PLA2R1: variants seen among roughly 807,000 people sequenced by gnomAD.
PLA2R1 encodes the protein secretory phospholipase A2 receptor.
Under a neutral mutation model 195.9 loss-of-function variants are expected in PLA2R1, and 158 were observed. The ratio of observed to expected loss-of-function variants is 0.81; its 90% confidence interval spans 0.71 to 0.92. The LOEUF is 0.92. Among genes scored for constraint, PLA2R1 ranks in the 40% least tolerant of loss-of-function variants. The pLI, the probability that PLA2R1 is intolerant of heterozygous loss-of-function variation, is 0.00. For missense variants in PLA2R1, 1,626 were observed against 1,764.6 expected (o/e 0.92, Z 1.41); for synonymous variants, 586 against 598.2 (o/e 0.98, Z 0.30).
At chr2:159,997,267 TCA>T (rs1227973934) in intron 11 of PLA2R1, among the ~76,000 whole-genome samples, 16 of 152,092 alleles carry the variant, frequency 1.1e-4, no homozygotes, top group Non-Finnish European at 1.5e-5. Flanking sequence ...TGAATGCTTC[TCA>T]GTTATTTTTC....
intron 3 of PLA2R1, among the ~76,000 whole-genome samples, chr2:160,036,235 C>T (rs112205393): frequency 8.5e-5 from 13 of 152,332 alleles, no homozygotes; most frequent in Admixed American, 3.9e-4. Context: ...TCACATGTAA[C>T]ATGTGCAAAC....
At chr2:159,946,222 A>C in intron 27 of PLA2R1, 1 of 966,362 alleles carries the variant, frequency 1.0e-6, no homozygotes, top group Non-Finnish European at 1.2e-6. Context: ...TTGGTGATTA[A>C]AATACTCCTC....
At chr2:159,982,250 T>A (rs1690004587) in intron 13 of PLA2R1, among the ~76,000 whole-genome samples, 1 of 152,218 alleles carries the variant, frequency 6.6e-6, no homozygotes, top group Non-Finnish European at 1.5e-5. Flanking sequence ...ATTTGCGGCC[T>A]CACACCTGGC....
chr2:159,962,033 T>C (rs1050050891), intron 20 of PLA2R1, among the ~76,000 whole-genome samples: 22 of 151,786 alleles, frequency 1.4e-4, no homozygotes, highest in African/African-American at 5.3e-4. Flanking sequence ...AATAGACAAA[T>C]GGGATCTAAT....
In PLA2R1 at chr2:160,042,017, A is replaced by G. The variant is rs1481139292; in HGVS notation, c.667+8T>C. 28 of 1,607,788 alleles carry G rather than the reference A, an allele frequency of 1.7e-5. No individual in the cohort carries two copies. The highest frequency in any genetic ancestry group is 2.4e-5 in the Non-Finnish European group (28 of 1,174,876). ...ATGACATATAGAGAAGACAAAATTT[A>G]TTCTTACTGGGATCAGGGCAAAATC... On this transcript the variant is annotated splice_region_variant and intron_variant, in intron 3 of 29. Transcript: ENST00000283243.
chr2:160,019,668 T>C (rs1692978833), intron 8 of PLA2R1, among the ~76,000 whole-genome samples: 2 of 152,220 alleles, frequency 1.3e-5, no homozygotes, highest in African/African-American at 2.4e-5. Flanking sequence ...TTAGAATTCC[T>C]ACTGCCCATC....
In PLA2R1 at chr2:160,062,603, C is replaced by T; in HGVS notation, c.-200G>A. 2.1e-6 allele frequency: 2 copies of T among 944,858 alleles called. No homozygotes were observed. Among genetic ancestry groups the T allele is most frequent in the Non-Finnish European group, 2.9e-6 (2 of 694,656 alleles). 58.5% of individuals were successfully genotyped at this position (944,858 alleles called of 1,614,324 possible). On this transcript the variant is annotated 5_prime_UTR_variant, in exon 1 of 30. Coordinates refer to ENST00000283243, the MANE Select transcript of PLA2R1 (RefSeq NM_007366.5). Reference sequence around the variant, plus strand: ...CACCGCTGTCTCCACAGTGAACCGACACTCGGGGCTCTGGGCTGGGATGCG... The same window carrying T: ...CACCGCTGTCTCCACAGTGAACCGATACTCGGGGCTCTGGGCTGGGATGCG...
chr2:160,055,629 A>G (rs1269468910), intron 1 of PLA2R1, among the ~76,000 whole-genome samples: 1 of 152,206 alleles, frequency 6.6e-6, no homozygotes, highest in Non-Finnish European at 1.5e-5. Flanking sequence ...AAGGCTATTC[A>G]GGGATCCTTT....
chr2:160,037,737 T>C (rs191148503), intron 3 of PLA2R1, among the ~76,000 whole-genome samples: 5 of 152,310 alleles, frequency 3.3e-5, no homozygotes, highest in African/African-American at 1.2e-4. Context: ...TTTCCCCACT[T>C]TCCATTTTGA....
intron 13 of PLA2R1, among the ~76,000 whole-genome samples, chr2:159,980,429 T>C (rs1689867718): frequency 1.3e-5 from 2 of 152,360 alleles, no homozygotes; most frequent in South Asian, 4.1e-4. Flanking sequence ...CACTATACTA[T>C]TTATTCTACT....
chr2:160,022,750 C>A lies in PLA2R1; in HGVS notation c.1209G>T (p.Leu403=). ...CACTGTTATCAGCCTGACAAGAACGCAGAGCCTCATGCCAGGTCTTTTCTT... is the reference window on the plus strand; with the variant it reads ...CACTGTTATCAGCCTGACAAGAACGAAGAGCCTCATGCCAGGTCTTTTCTT... The part of the protein sequence containing the change: ...QKEEKTWHEA[L]RSCQADNSAL... The change falls in exon 7 of 30, where the codon CTG becomes CTT. Residue 403 remains leucine, a synonymous_variant. Transcript: ENST00000283243. The A allele has an allele frequency of 1.2e-6, 2 of 1,613,366 alleles. No individual in the cohort carries two copies. Among genetic ancestry groups the A allele is most frequent in the Non-Finnish European group, 1.7e-6 (2 of 1,179,282 alleles).
chr2:159,976,784 C>G (rs1205272104), intron 15 of PLA2R1, 64 bp from the exon 16 acceptor site: 3 of 1,195,270 alleles, frequency 2.5e-6, no homozygotes, highest in African/African-American at 1.5e-5. Context: ...CTGTGAATTA[C>G]TTCAGCTCTA....
chr2:159,979,671 C>G (rs751812687), intron 14 of PLA2R1, among the ~76,000 whole-genome samples, 159 bp downstream of exon 14: 2 of 152,140 alleles, frequency 1.3e-5, no homozygotes, highest in South Asian at 2.1e-4. Context: ...AAAGATTTCT[C>G]AGGACCTTGC....
chr2:159,967,560 T>C lies in PLA2R1; in HGVS notation c.2883A>G (p.Gly961=). 6.2e-7 allele frequency: 1 copy of C among 1,613,708 alleles called. No individual in the cohort carries two copies. ...TTACCTTATAGTTAAAATATAGCCA[T>C]CCTTTGGGACACGTTCCATGTTGTT... ...TPKQHGTCPK[G]WLYFNYKCLL... Residue 961 remains glycine, a synonymous_variant, in exon 20 of 30, where the codon GGA becomes GGG. Coordinates refer to ENST00000283243, the MANE Select transcript of PLA2R1 (RefSeq NM_007366.5).
chr2:160,039,579 C>T (rs995201102), intron 3 of PLA2R1, among the ~76,000 whole-genome samples: 1 of 152,044 alleles, frequency 6.6e-6, no homozygotes, highest in Non-Finnish European at 1.5e-5. Flanking sequence ...TTATTCCACT[C>T]ACTCTTCTCT....
chr2:160,051,629 C>T (rs947045320), intron 1 of PLA2R1, among the ~76,000 whole-genome samples: 1 of 152,124 alleles, frequency 6.6e-6, no homozygotes, highest in African/African-American at 2.4e-5. Context: ...TGATTACGTT[C>T]CTAAGATTAC....
intron 11 of PLA2R1, among the ~76,000 whole-genome samples, chr2:159,998,072 G>A (rs967655751): frequency 7.9e-5 from 12 of 151,874 alleles, no homozygotes; most frequent in South Asian, 6.2e-4. Flanking sequence ...TATGTGTATA[G>A]GCCACAATCA....
chr2:160,011,882 C>T (rs1340953827), intron 10 of PLA2R1, among the ~76,000 whole-genome samples: 1 of 152,162 alleles, frequency 6.6e-6, no homozygotes, highest in Non-Finnish European at 1.5e-5. Context: ...ACGGGAGGAT[C>T]TCCTGAAAGT....
At chr2:159,970,081 G>C in intron 18 of PLA2R1, 67 bp downstream of exon 18, 1 of 1,022,420 alleles carries the variant, frequency 9.8e-7, no homozygotes, top group Non-Finnish European at 1.5e-6. Context: ...CACTAAAATT[G>C]AATCTAATCA....
Sources: gnomAD v4.1 joint callset for allele counts (sites outside exome capture counted in the v4.1 genomes callset) on GRCh38, gnomAD v4.1.1 for gene constraint, MANE v1.5 for transcripts, NCBI Gene and HGNC (gene_info 2026-07-23, HGNC 2026-07-21) for gene names.